ZNF735: variants seen among roughly 807,000 people sequenced by gnomAD.
ZNF735 encodes putative zinc finger protein 735.
ZNF735 carries 11 observed loss-of-function variants against 13.4 expected under a neutral mutation model. The observed-to-expected ratio is 0.82, with a 90% CI of 0.52 to 1.36. The LOEUF (loss-of-function observed/expected upper bound fraction) is 1.36, where lower values mean the gene tolerates loss of function less well. Among genes scored for constraint, ZNF735 ranks in the 40% most tolerant of loss-of-function variants. The pLI, the probability that ZNF735 is intolerant of heterozygous loss-of-function variation, is 0.00. For missense variants in ZNF735, 500 were observed against 484.6 expected (o/e 1.03, Z -0.30); for synonymous variants, 171 against 162.6 (o/e 1.05, Z -0.39).
At chr7:64,207,322 C>T in intron 1 of ZNF735, 81 bp downstream of exon 1, 1 of 1,613,376 alleles carries the variant, frequency 6.2e-7, no homozygotes, top group Non-Finnish European at 8.5e-7. Context: ...AGGACCCATA[C>T]TTCCTCGCAG....
At chr7:64,210,712 C>T (rs1787346852) in intron 1 of ZNF735, among the ~76,000 whole-genome samples, 2 of 151,982 alleles carry the variant, frequency 1.3e-5, no homozygotes, top group South Asian at 2.1e-4. Flanking sequence ...GAAAAAGAAA[C>T]TTATATTTTA....
At chr7:64,214,139 G>C in intron 3 of ZNF735, 31 bp downstream of exon 3, 1 of 1,592,810 alleles carries the variant, frequency 6.3e-7, no homozygotes, top group Non-Finnish European at 8.5e-7. Context: ...CAGATGACAC[G>C]GATGAGATGT....
chr7:64,212,780 G>C (rs1787375852), intron 1 of ZNF735, among the ~76,000 whole-genome samples: 1 of 144,196 alleles, frequency 6.9e-6, no homozygotes, highest in South Asian at 2.2e-4. Flanking sequence ...AACAGAGTGA[G>C]ACTTGGTAAA....
chr7:64,218,471 T>C (rs1456725096), intron 3 of ZNF735, among the ~76,000 whole-genome samples: 1 of 152,126 alleles, frequency 6.6e-6, no homozygotes, highest in East Asian at 1.9e-4. Context: ...CTTTAAATTA[T>C]TTCAGTTTTC....
At chr7:64,214,336 C>G (rs1191454963) in intron 3 of ZNF735, among the ~76,000 whole-genome samples, 1 of 152,070 alleles carries the variant, frequency 6.6e-6, no homozygotes. Context: ...TTTCAATAAT[C>G]TTTCTTCAGG....
Position 64,219,749 on chromosome 7 carries a change from G to T in ZNF735, c.698G>T (p.Arg233Ile), listed in dbSNP as rs569847156. ...TCCTCAAGCGGTACTACACATAAAA[G>T]AATTCTTACTGGAGAGAAACCCTAC... Residue 233 changes from arginine to isoleucine, a missense_variant, in exon 4 of 4, where the codon AGA becomes ATA. Physicochemically the swap from Arg to Ile is moderately conservative, Grantham distance 97. Coordinates refer to ENST00000429565, the Ensembl canonical transcript of ZNF735. 4.0e-5 allele frequency: 65 copies of T among 1,608,186 alleles called. 1 individual carries two copies. Among genetic ancestry groups the T allele is most frequent in the African/African-American group, 9.4e-5 (7 of 74,812 alleles).
intron 1 of ZNF735, among the ~76,000 whole-genome samples, chr7:64,208,262 T>G (rs1441894709): frequency 2.0e-5 from 2 of 98,946 alleles, no homozygotes; most frequent in African/African-American, 7.7e-5. Flanking sequence ...TTTTTTTTTT[T>G]TTTTTTTTTT....
intron 3 of ZNF735, among the ~76,000 whole-genome samples, chr7:64,217,316 T>G (rs1312968880): frequency 6.6e-6 from 1 of 152,238 alleles, no homozygotes; most frequent in Non-Finnish European, 1.5e-5. Context: ...CAGAAACAGA[T>G]GCTGGCATAT....
chr7:64,219,473 G>T (rs1415545218), exon 4 of ZNF735: 16 of 1,613,600 alleles, frequency 9.9e-6, no homozygotes, highest in East Asian at 2.2e-5. Flanking sequence ...CACAAAGGAG[G>T]TTATAATGAC....
intron 2 of ZNF735, among the ~76,000 whole-genome samples, 176 bp from the exon 3 acceptor site, chr7:64,213,837 T>C (rs916562024): frequency 6.6e-6 from 1 of 152,014 alleles, no homozygotes; most frequent in African/African-American, 2.4e-5. Context: ...TATGTGCCTG[T>C]AGTCCCAGCT....
At chr7:64,208,282 G>A (rs1221899773) in intron 1 of ZNF735, among the ~76,000 whole-genome samples, 1 of 124,210 alleles carries the variant, frequency 8.1e-6, no homozygotes, top group Non-Finnish European at 1.6e-5. Context: ...TTTGGAGAGG[G>A]AGTCTCACTC....
chr7:64,209,462 G>C (rs542726837), intron 1 of ZNF735, among the ~76,000 whole-genome samples: 1 of 151,694 alleles, frequency 6.6e-6, no homozygotes, highest in South Asian at 2.1e-4. Context: ...ATTCTCCTGG[G>C]ATTACAGGCA....
chr7:64,219,595 A>G (rs1246277947), exon 4 of ZNF735: 2 of 1,575,980 alleles, frequency 1.3e-6, no homozygotes, highest in Admixed American at 3.8e-5. Context: ...ATATACTGGA[A>G]AGAAACATTT....
At chr7:64,219,679 G>A in exon 4 of ZNF735, 3 of 1,587,206 alleles carry the variant, frequency 1.9e-6, no homozygotes, top group African/African-American at 1.3e-5. Context: ...TCATACTAAG[G>A]AGAAGTCCTA....
chr7:64,214,277 G>A (rs752414868), intron 3 of ZNF735, among the ~76,000 whole-genome samples, 169 bp downstream of exon 3: 7 of 151,624 alleles, frequency 4.6e-5, no homozygotes, highest in Non-Finnish European at 8.8e-5. Flanking sequence ...TCTCACATTG[G>A]GACACCTTCT....
In ZNF735 at chr7:64,208,212, T is replaced by A. The variant is rs189594703; in HGVS notation, c.39+971T>A. Among the ~76,000 whole-genome samples, 403 of 151,012 alleles carry A rather than the reference T, an allele frequency of 2.7e-3. 1 individual carries two copies. The highest frequency in any genetic ancestry group is 8.6e-3 in the African/African-American group (355 of 41,204). ...CAGATTGTGGTTGCCTAGGCCCGAA[T>A]ATTTTCTTCAAGATAGTAATCTCCA... On this transcript the variant is annotated intron_variant, in intron 1 of 3. Transcript: ENST00000429565.
At chr7:64,212,758 T>C (rs1313283834) in intron 1 of ZNF735, among the ~76,000 whole-genome samples, 1 of 147,454 alleles carries the variant, frequency 6.8e-6, no homozygotes, top group East Asian at 2.0e-4. Context: ...GCTACTGCAC[T>C]CCAGTCTGGG....
chr7:64,207,332 G>A, intron 1 of ZNF735, 91 bp downstream of exon 1: 1 of 1,611,970 alleles, frequency 6.2e-7, no homozygotes, highest in Non-Finnish European at 8.5e-7. Flanking sequence ...CTTCCTCGCA[G>A]TCAGCTCCGG....
intron 3 of ZNF735, among the ~76,000 whole-genome samples, chr7:64,214,670 C>A (rs1329988123): frequency 3.3e-5 from 5 of 151,710 alleles, no homozygotes; most frequent in Admixed American, 3.3e-4. Context: ...ACGATACTTG[C>A]TGTAGGGGGA....
Sources: gnomAD v4.1 joint callset for allele counts (sites outside exome capture counted in the v4.1 genomes callset) on GRCh38, gnomAD v4.1.1 for gene constraint, MANE v1.5 for transcripts, NCBI Gene and HGNC (gene_info 2026-07-23, HGNC 2026-07-21) for gene names.